AVEN: variants seen among roughly 807,000 people sequenced by gnomAD.
AVEN encodes apoptosis and caspase activation inhibitor.
A neutral mutation model predicts 38.1 loss-of-function variants in AVEN; 41 were observed. The ratio of observed to expected loss-of-function variants is 1.08; its 90% CI spans 0.84 to 1.40. The LOEUF (loss-of-function observed/expected upper bound fraction) is 1.40, where lower values mean the gene tolerates loss of function less well. Ranked by LOEUF, AVEN falls within the 40% of genes most tolerant of loss-of-function variation. AVEN has a pLI of 0.00. For missense variants in AVEN, 605 were observed against 438.8 expected (o/e 1.38, Z -3.38); for synonymous variants, 206 against 171.8 (o/e 1.20, Z -1.56).
chr15:34,069,451 T>A (rs1900588025), intron 2 of AVEN, among the ~76,000 whole-genome samples: 2 of 152,168 alleles, frequency 1.3e-5, no homozygotes, highest in Admixed American at 1.3e-4. Context: ...ACTTCATCTC[T>A]AAAAATAAAT....
chr15:33,890,942 T>C (rs530969836), intron 2 of AVEN, among the ~76,000 whole-genome samples: 6 of 152,190 alleles, frequency 3.9e-5, no homozygotes, highest in Non-Finnish European at 5.9e-5. Flanking sequence ...AACTCATCAC[T>C]ACCAAAAATT....
In AVEN at chr15:33,905,826, GAAA is replaced by G. The variant is rs36006399; in HGVS notation, c.446-29834_446-29832del. On this transcript the variant is annotated intron_variant, in intron 2 of 5. Coordinates refer to ENST00000306730, the MANE Select transcript of AVEN (RefSeq NM_020371.3). ...CAAATTGAGACCTTGTTTCGGGAAA[GAAA>G]AAAAAAAAAAAAAAGGTAAAATTCA... Among the ~76,000 whole-genome samples the G allele has an allele frequency of 2.5e-4, 36 of 143,186 alleles. 1 individual carries two copies. In the Middle Eastern group the frequency reaches 0.014, roughly 58 times the overall value. 93.9% of individuals were successfully genotyped at this position (143,186 alleles called of 152,430 possible). A position where few individuals can be genotyped will look rare whatever the true frequency, so the allele number is the denominator to read the frequency against.
At chr15:34,044,426 CA>C (rs1899607724) in intron 5 of AVEN, among the ~76,000 whole-genome samples, 1 of 152,194 alleles carries the variant, frequency 6.6e-6, no homozygotes. Flanking sequence ...CAGAACAATA[CA>C]CTACCCTTAG....
Position 34,029,311 on chromosome 15 carries a change from T to A in AVEN, c.267+9469A>T, listed in dbSNP as rs550237252. On this transcript the variant is annotated intron_variant, in intron 1 of 5. Transcript: ENST00000306730. ...TTCTTTCCAAGGTATGTAAAATACGTGCTCATAAAATAACACCTGGCCACA... is the reference window on the plus strand; with the variant it reads ...TTCTTTCCAAGGTATGTAAAATACGAGCTCATAAAATAACACCTGGCCACA... 6.6e-5 allele frequency among the ~76,000 whole-genome samples: 10 copies of A among 152,276 alleles called. No individual in the cohort carries two copies. The East Asian group carries it at 1.9e-3, about 29-fold the overall frequency.
intron 2 of AVEN, chr15:33,990,756 A>G (rs559802215): frequency 6.6e-6 from 1 of 152,348 alleles, no homozygotes; most frequent in African/African-American, 2.4e-5. Flanking sequence ...CAAATCAAGT[A>G]TCATTTTGAT....
chr15:34,049,616 T>C (rs1899856613), intron 5 of AVEN, among the ~76,000 whole-genome samples: 1 of 152,086 alleles, frequency 6.6e-6, no homozygotes, highest in African/African-American at 2.4e-5. Context: ...TACTTCAGGA[T>C]ATCAGTCAGG....
intron 2 of AVEN, among the ~76,000 whole-genome samples, chr15:33,926,235 C>T (rs867017392): frequency 6.6e-6 from 1 of 152,186 alleles, no homozygotes; most frequent in Non-Finnish European, 1.5e-5. Context: ...GTGTTTTCTC[C>T]AGAACCCTAT....
chr15:33,852,328 A>G, the AVEN span: 2 of 152,176 alleles, frequency 1.3e-5, no homozygotes, highest in East Asian at 3.9e-4. Flanking sequence ...TGAAGATGAC[A>G]GTTCTTTCTT....
intron 4 of AVEN, chr15:34,064,625 CAG>C: frequency 2.9e-6 from 1 of 340,774 alleles, no homozygotes; most frequent in Non-Finnish European, 5.6e-6. Context: ...AACAGTGACT[CAG>C]GGAACTTATG....
At chr15:33,865,427 G>A (rs1477703049), downstream of AVEN, 6 of 511,294 alleles carry the variant, frequency 1.2e-5, no homozygotes, top group Non-Finnish European at 2.1e-5. Context: ...GAGAGAACCT[G>A]TCAAAATGTC....
chr15:33,875,843 A>C (rs989169756), intron 3 of AVEN, 82 bp downstream of exon 3: 12 of 1,295,200 alleles, frequency 9.3e-6, no homozygotes, highest in Non-Finnish European at 1.3e-5. Context: ...CTACATGAAG[A>C]CTCTATCTCA....
chr15:33,968,268 T>G (rs1013463027), intron 2 of AVEN, among the ~76,000 whole-genome samples: 2 of 152,042 alleles, frequency 1.3e-5, no homozygotes, highest in African/African-American at 4.8e-5. Context: ...TCTTGCCCAT[T>G]CTACCTGATC....
chr15:33,924,919 A>G lies in AVEN; in HGVS notation c.446-48924T>C, dbSNP rs559479387. Among the ~76,000 whole-genome samples, 21 of 152,334 alleles carry G rather than the reference A, an allele frequency of 1.4e-4. 2 individuals carry two copies. The South Asian group carries it at 4.3e-3, about 32-fold the overall frequency. On this transcript the variant is annotated intron_variant, in intron 2 of 5. Coordinates refer to ENST00000306730, the MANE Select transcript of AVEN (RefSeq NM_020371.3). The stretch of plus-strand genomic sequence containing the variant: ...ATTCATTATATACATATATTTTAAA[A>G]TATGAATTATGTTTGCAACTGTGAT...
Position 33,867,528 on chromosome 15 carries a change from T to C in AVEN, c.940A>G (p.Lys314Glu). ...TCTTGGACCACCTCCCCATCTTCCT[T>C]GGATTTCAGGTCCTGAGACGTCTGA... ...PDQTSQDLKS[K>E]EDGEVVQEEE... The change falls in exon 5 of 6, where the codon AAG becomes GAG. Residue 314 changes from lysine (K) to glutamate (E), a missense_variant. Coordinates refer to ENST00000306730, the MANE Select transcript of AVEN (RefSeq NM_020371.3). 1 of 1,596,040 alleles carries C rather than the reference T, an allele frequency of 6.3e-7. No individual in the cohort carries two copies.
chr15:33,860,620 G>C, intron 11 of AVEN: 2 of 1,593,470 alleles, frequency 1.3e-6, no homozygotes, highest in Non-Finnish European at 1.7e-6. Context: ...CTTTCGGAGA[G>C]CTAAGAGACC....
intron 2 of AVEN, among the ~76,000 whole-genome samples, chr15:33,988,624 C>T (rs1597317972): frequency 1.3e-5 from 2 of 152,148 alleles, no homozygotes; most frequent in South Asian, 4.1e-4. Flanking sequence ...GGCTCATTTA[C>T]ACACACACGT....
In AVEN at chr15:34,035,128, G is replaced by A. The variant is rs577245017; in HGVS notation, c.267+3652C>T. ...GTGAAATGAAAATGTCAACGCCATC[G>A]GGTATTAATTACTACTCAGGCTTTG... On this transcript the variant is annotated intron_variant, in intron 1 of 5. Coordinates refer to ENST00000306730, the MANE Select transcript of AVEN (RefSeq NM_020371.3). 5.9e-5 allele frequency among the ~76,000 whole-genome samples: 9 copies of A among 152,264 alleles called. No homozygotes were observed. In the South Asian group the frequency reaches 1.0e-3, roughly 18 times the overall value.
chr15:33,955,179 A>G (rs1199009534), intron 2 of AVEN, among the ~76,000 whole-genome samples: 1 of 152,188 alleles, frequency 6.6e-6, no homozygotes, highest in Non-Finnish European at 1.5e-5. Flanking sequence ...TATTCAAAGT[A>G]TTCTATTAGG....
At chr15:33,924,368 A>C (rs1023855152) in intron 2 of AVEN, among the ~76,000 whole-genome samples, 8 of 137,138 alleles carry the variant, frequency 5.8e-5, no homozygotes, top group African/African-American at 2.3e-4. Context: ...AGACTGTCTC[A>C]AAAAAAAAAA....
Sources: allele counts gnomAD v4.1 joint callset (sites outside exome capture counted in the v4.1 genomes callset), GRCh38; gene constraint gnomAD v4.1.1; transcripts MANE v1.5; gene names NCBI Gene and HGNC (gene_info 2026-07-23, HGNC 2026-07-21).